The following NAA10 variants were observed in gnomAD, a reference collection of about 807,000 sequenced individuals.
NAA10 encodes the protein N-alpha-acetyltransferase 10.
Under a neutral mutation model 19.2 loss-of-function variants are expected in NAA10, and 6 were observed. The observed-to-expected ratio is 0.31, with a 90% CI of 0.17 to 0.62. NAA10 has a LOEUF of 0.62. NAA10 is among the 20% of genes least tolerant of loss of function. The pLI, the probability that NAA10 is intolerant of heterozygous loss-of-function variation, is 0.83. For synonymous variants in NAA10, 97 were observed against 79.9 expected (o/e 1.21, Z -1.14); for missense variants, 101 against 198.4 (o/e 0.51, Z 2.95).
chrX:153,932,000 G>A (rs368561601), intron 6 of NAA10, 71 bp downstream of exon 6: 70 of 1,210,056 alleles, frequency 5.8e-5, no homozygotes, highest in Middle Eastern at 2.4e-4. Context: ...CAACTCAGCC[G>A]GTCTCAGGTG....
intron 3 of NAA10, 166 bp from the exon 4 acceptor site, chrX:153,932,750 G>A: frequency 1.9e-6 from 1 of 514,388 alleles, no homozygotes; most frequent in Non-Finnish European, 3.4e-6. Context: ...GCCACCCTCT[G>A]CTGCCTGAAA....
In NAA10 at chrX:153,932,594, G is replaced by C; in HGVS notation, c.180-10C>G. 8.3e-7 allele frequency: 1 copy of C among 1,199,159 alleles called. No homozygotes were observed. The highest frequency in any genetic ancestry group is 1.1e-6 in the Non-Finnish European group (1 of 887,504). On this transcript the variant is annotated splice_polypyrimidine_tract_variant and intron_variant, in intron 3 of 7. Transcript: ENST00000464845. ...ATCTGGGTCCTCTTCCCTGGAGAGG[G>C]AGAAAGGAGAGGCTGCAAAGGAGCT...
intron 2 of NAA10, 53 bp downstream of exon 2, chrX:153,934,324 T>G: frequency 9.8e-7 from 1 of 1,016,484 alleles, no homozygotes; most frequent in Non-Finnish European, 1.4e-6. Context: ...GATGGCCAGA[T>G]GGGATTTTCC....
At chrX:153,933,723 TTGTCAC>T in intron 3 of NAA10, 1 of 383,893 alleles carries the variant, frequency 2.6e-6, no homozygotes, top group Non-Finnish European at 4.5e-6. Context: ...CATTTATCAC[TTGTCAC>T]AAGTGGACCA....
In NAA10 at chrX:153,930,780, T is replaced by A; in HGVS notation, c.454A>T (p.Thr152Ser). ...GCGCTTACCTCGTCGGCCATCTGAG[T>A]GAGGTCCCGCTTCATGGCATAGGCG... ...EDAYAMKRDL[T>S]QMADELRRHL... The change falls in exon 7 of 8, where the codon ACT becomes TCT. Residue 152 changes from threonine to serine, a missense_variant. Thr to Ser is a moderately conservative substitution (Grantham distance 58). Transcript: ENST00000464845. 8.3e-7 allele frequency: 1 copy of A among 1,211,530 alleles called. No homozygotes were observed. The highest frequency in any genetic ancestry group is 1.7e-5 in the African/African-American group (1 of 57,777).
chrX:153,931,359 A>G (rs1248299092), intron 6 of NAA10: 1 of 834,933 alleles, frequency 1.2e-6, no homozygotes, highest in African/African-American at 2.2e-5. Flanking sequence ...ACTTAGCTAT[A>G]AAGCAATTCC....
At chrX:153,933,469 G>A (rs1019938908) in intron 3 of NAA10, among the ~76,000 whole-genome samples, 2 of 111,681 alleles carry the variant, frequency 1.8e-5, no homozygotes, top group Non-Finnish European at 3.8e-5. Context: ...TCAGGAATTC[G>A]AGACCAGCCT....
In NAA10 at chrX:153,930,835, C is replaced by T. The variant is rs1173986173; in HGVS notation, c.399G>A (p.Val133=). The T allele has an allele frequency of 4.1e-6, 5 of 1,210,222 alleles. No individual in the cohort carries two copies. In the East Asian group the frequency reaches 1.5e-4, roughly 36 times the overall value. ...CCCCATCTGCATAGTATTTGGGCTCCACTTCACTGATCCTGGGGGCAGAGG... is the reference window on the plus strand; with the variant it reads ...CCCCATCTGCATAGTATTTGGGCTCTACTTCACTGATCCTGGGGGCAGAGG... The part of the protein sequence containing the change: ...SNTLNFQISE[V]EPKYYADGED... The change falls in exon 7 of 8, where the codon GTG becomes GTA. Residue 133 remains valine (V), a synonymous_variant. Coordinates refer to ENST00000464845, the MANE Select transcript of NAA10 (RefSeq NM_003491.4).
At chrX:153,933,917 TTC>T in intron 3 of NAA10, 24 bp downstream of exon 3, 1 of 1,194,090 alleles carries the variant, frequency 8.4e-7, no homozygotes. Context: ...CACGTGTAGC[TTC>T]TGTCTTCCTC....
At chrX:153,930,466 G>A (rs2065160268) in intron 7 of NAA10, 4 of 454,843 alleles carry the variant, frequency 8.8e-6, no homozygotes, top group Non-Finnish European at 1.5e-5. Flanking sequence ...CCTGCCACCC[G>A]ATGAGCCTTG....
intron 1 of NAA10, 132 bp downstream of exon 1, chrX:153,934,752 C>T (rs1024468520): frequency 1.2e-4 from 95 of 783,625 alleles, no homozygotes; most frequent in Admixed American, 3.2e-4. Context: ...GGGCCAGCCC[C>T]ATAGGTCCAG....
chrX:153,932,048 T>C lies in NAA10; in HGVS notation c.386+23A>G, dbSNP rs782708207. 8 of 1,211,337 alleles carry C rather than the reference T, an allele frequency of 6.6e-6. No individual in the cohort carries two copies. In the South Asian group the frequency reaches 1.2e-4, roughly 19 times the overall value. ...AGACCTGGGATCAACCCCAGCCCAT[T>C]AGAAAAATCGAGATCTACTTACTGA... On this transcript the variant is annotated intron_variant, in intron 6 of 7. Transcript: ENST00000464845.
At chrX:153,933,695 A>G (rs2065180124) in intron 3 of NAA10, 2 of 325,848 alleles carry the variant, frequency 6.1e-6, no homozygotes, top group South Asian at 1.4e-4. Flanking sequence ...AATAATAATA[A>G]TAGTAACATA....
chrX:153,931,778 A>G, intron 6 of NAA10: 1 of 1,045,645 alleles, frequency 9.6e-7, no homozygotes, highest in African/African-American at 1.9e-5. Context: ...CTATTCCCAA[A>G]CATTACTAAA....
chrX:153,930,287 G>A (rs1557107185), intron 7 of NAA10, 64 bp from the exon 8 acceptor site: 1 of 1,046,041 alleles, frequency 9.6e-7, no homozygotes, highest in Admixed American at 2.2e-5. Context: ...CCAGACAAAG[G>A]GAGCCTGGCC....
chrX:153,934,279 C>T, intron 2 of NAA10, 98 bp downstream of exon 2: 3 of 777,082 alleles, frequency 3.9e-6, no homozygotes, highest in Non-Finnish European at 5.8e-6. Context: ...CCATACAGCC[C>T]CCTGGGCTCT....
Position 153,934,940 on chromosome X carries a change from G to A in NAA10, c.-36C>T, listed in dbSNP as rs2065189181. The A allele has an allele frequency of 4.0e-6, 4 of 990,341 alleles. No individual in the cohort carries two copies. The highest frequency in any genetic ancestry group is 5.1e-6 in the Non-Finnish European group (4 of 777,773). The allele number at this position is 990,341 out of a possible 1,213,427, so 81.6% of individuals were successfully genotyped here. A position where few individuals can be genotyped will look rare whatever the true frequency, so the allele number is the denominator to read the frequency against. On this transcript the variant is annotated 5_prime_UTR_variant, in exon 1 of 8. Coordinates refer to ENST00000464845, the MANE Select transcript of NAA10 (RefSeq NM_003491.4). ...GGGCTCGCGGGTCCCAGCGGATCGT[G>A]AAGGCGCAGTCAGCTGCCGCCGCGC...
Position 153,929,853 on chromosome X carries a change from G to A in NAA10, c.*134C>T. The A allele has an allele frequency of 1.8e-6, 1 of 563,752 alleles. No individual in the cohort carries two copies. Among genetic ancestry groups the A allele is most frequent in the East Asian group, 3.3e-5 (1 of 30,198 alleles). The allele number at this position is 563,752 out of a possible 1,213,427, so 46.5% of individuals were successfully genotyped here. ...AGGATGCTCTGGGTCAAAAGGCCAA[G>A]GCTCACATCCCCACCAGAGGACCTG... On this transcript the variant is annotated 3_prime_UTR_variant, in exon 8 of 8. Coordinates refer to ENST00000464845, the MANE Select transcript of NAA10 (RefSeq NM_003491.4).
rs1453358998 is a variant in NAA10 at position 153,934,985 on chromosome X, G to A, written c.-81C>T. Reference sequence around the variant, plus strand: ...CCGCGCTCCGAAGCGACGCCGGGACGGCCGGGGCTGGGACCGGAGCTGGGC... The same window carrying A: ...CCGCGCTCCGAAGCGACGCCGGGACAGCCGGGGCTGGGACCGGAGCTGGGC... On this transcript the variant is annotated 5_prime_UTR_variant, in exon 1 of 8. Transcript: ENST00000464845. 2.3e-6 allele frequency: 2 copies of A among 881,498 alleles called. No individual in the cohort carries two copies. Among genetic ancestry groups the A allele is most frequent in the African/African-American group, 4.2e-5 (2 of 47,754 alleles). 72.6% of individuals were successfully genotyped at this position (881,498 alleles called of 1,213,427 possible). A position where few individuals can be genotyped will look rare whatever the true frequency, so the allele number is the denominator to read the frequency against.
Sources: gnomAD v4.1 joint callset for allele counts (sites outside exome capture counted in the v4.1 genomes callset) on GRCh38, gnomAD v4.1.1 for gene constraint, MANE v1.5 for transcripts, NCBI Gene and HGNC (gene_info 2026-07-23, HGNC 2026-07-21) for gene names.